The following DCDC1 variants were observed in gnomAD, a reference collection of about 807,000 sequenced individuals.
DCDC1 encodes doublecortin domain-containing protein 1.
A neutral mutation model predicts 178.3 loss-of-function variants in DCDC1; 200 were observed. The observed-to-expected ratio is 1.12, with a 90% CI of 1.00 to 1.26. The LOEUF is 1.26. Ranked by LOEUF, DCDC1 falls within the 50% of genes most tolerant of loss-of-function variation. DCDC1 has a pLI of 0.00. For synonymous variants in DCDC1, 690 were observed against 604.8 expected, an observed-to-expected ratio of 1.14 and a Z score of -2.07; for missense variants, 1,983 against 1,749.2, an observed-to-expected ratio of 1.13 and a Z score of -2.38.
intron 1 of DCDC1, among the ~76,000 whole-genome samples, chr11:31,336,287 A>G (rs977198445): frequency 6.6e-6 from 1 of 152,240 alleles, no homozygotes; most frequent in Non-Finnish European, 1.5e-5. Flanking sequence ...TTTGTCATGC[A>G]GATACCCAGG....
chr11:30,886,643 C>A (rs933077525), intron 36 of DCDC1, among the ~76,000 whole-genome samples: 1 of 152,136 alleles, frequency 6.6e-6, no homozygotes, highest in Non-Finnish European at 1.5e-5. Context: ...ACCCTTAAGA[C>A]CTCATTTAAC....
At chr11:31,223,011 T>C (rs915198712) in intron 9 of DCDC1, among the ~76,000 whole-genome samples, 10 of 152,186 alleles carry the variant, frequency 6.6e-5, no homozygotes, top group African/African-American at 2.4e-4. Flanking sequence ...CAATAAACTA[T>C]GTATATATTG....
chr11:30,941,563 C>T (rs1046837743), intron 21 of DCDC1, among the ~76,000 whole-genome samples: 1 of 152,078 alleles, frequency 6.6e-6, no homozygotes, highest in South Asian at 2.1e-4. Context: ...CTCAATGAAG[C>T]CTTACCTAGT....
chr11:30,898,275 A>T (rs1944387015), intron 34 of DCDC1, among the ~76,000 whole-genome samples: 1 of 152,200 alleles, frequency 6.6e-6, no homozygotes, highest in Non-Finnish European at 1.5e-5. Flanking sequence ...TCAACTTCAG[A>T]ATGTCACCAT....
At chr11:31,299,628 T>C (rs1004469858) in intron 6 of DCDC1, among the ~76,000 whole-genome samples, 3 of 152,210 alleles carry the variant, frequency 2.0e-5, no homozygotes, top group African/African-American at 4.8e-5. Flanking sequence ...AATTTGGTTG[T>C]ATTTATTTCA....
rs376928936 is a variant in DCDC1, at chr11:31,238,938, ATGAG to A, written c.1221+2508_1221+2511del. Among the ~76,000 whole-genome samples, 462 of 152,220 alleles carry A rather than the reference ATGAG, an allele frequency of 3.0e-3. 2 individuals carry two copies. Among genetic ancestry groups the A allele is most frequent in the South Asian group, 6.2e-3 (30 of 4,824 alleles). On this transcript the variant is annotated intron_variant, in intron 9 of 38. Transcript: ENST00000684477. Reference sequence around the variant, plus strand: ...CCAAGCTAAAGTTAAAAATTGAAAAATGAGTAAGTTTGTAAACATAAAACCAGTA... The same window carrying A: ...CCAAGCTAAAGTTAAAAATTGAAAAATAAGTTTGTAAACATAAAACCAGTA...
At chr11:31,325,714 T>C (rs887519151) in intron 3 of DCDC1, among the ~76,000 whole-genome samples, 3 of 152,142 alleles carry the variant, frequency 2.0e-5, no homozygotes, top group African/African-American at 4.8e-5. Context: ...TATATACATA[T>C]ATATGTAGGC....
chr11:31,356,245 A>G (rs1290619744), intron 1 of DCDC1, among the ~76,000 whole-genome samples: 2 of 152,256 alleles, frequency 1.3e-5, no homozygotes, highest in Non-Finnish European at 2.9e-5. Flanking sequence ...ACTGAAGAAA[A>G]TGTAGCTAAA....
In DCDC1 at chr11:31,328,202, C is replaced by G; in HGVS notation, c.79G>C (p.Val27Leu). ...CCTTCAGGGCTACTTTGCTGTAATA[C>G]TTCCATTGCTTCAGTCAAGAGGGAT... ...SLSLLTEAME[V>L]LQQSSPEGTL... Residue 27 changes from valine (V) to leucine (L), a missense_variant, in exon 3 of 39, where the codon GTA becomes CTA. Physicochemically the swap from Val to Leu is conservative, Grantham distance 32. Coordinates refer to ENST00000684477, the MANE Select transcript of DCDC1 (RefSeq NM_001387274.1). 6.2e-7 allele frequency: 1 copy of G among 1,612,312 alleles called. No individual in the cohort carries two copies. Among genetic ancestry groups the G allele is most frequent in the Non-Finnish European group, 8.5e-7 (1 of 1,178,834 alleles).
intron 15 of DCDC1, among the ~76,000 whole-genome samples, chr11:31,101,848 G>A (rs1271398747): frequency 1.3e-5 from 2 of 152,112 alleles, no homozygotes; most frequent in Non-Finnish European, 2.9e-5. Context: ...AGGCCGAGGT[G>A]GACGGATCAC....
chr11:30,963,091 A>G (rs553427515), intron 20 of DCDC1, among the ~76,000 whole-genome samples: 3 of 152,230 alleles, frequency 2.0e-5, no homozygotes, highest in East Asian at 1.9e-4. Context: ...TAAAGTTTCC[A>G]TATTTATTTA....
intron 17 of DCDC1, among the ~76,000 whole-genome samples, chr11:31,084,905 T>A (rs1296011757): frequency 6.8e-6 from 1 of 148,112 alleles, no homozygotes; most frequent in African/African-American, 2.5e-5. Flanking sequence ...CCCACTGAGG[T>A]AATGGGCTTA....
chr11:30,863,877 A>C lies in DCDC1; in HGVS notation c.*1496T>G, dbSNP rs1940805850. 6.6e-6 allele frequency: 1 copy of C among 152,336 alleles called. No homozygotes were observed. The highest frequency in any genetic ancestry group is 2.4e-5 in the African/African-American group (1 of 41,482). 9.4% of individuals were successfully genotyped at this position (152,336 alleles called of 1,614,324 possible). On this transcript the variant is annotated 3_prime_UTR_variant, in exon 39 of 39. Transcript: ENST00000684477. ...TGTGGTGGCTTACGCCTGTAATCCC[A>C]GCACTTTGGGAGGCAGAGGCGAGTG... is the stretch of plus-strand genomic sequence containing the variant.
intron 1 of DCDC1, among the ~76,000 whole-genome samples, chr11:31,365,167 T>C (rs1386613925): frequency 6.6e-6 from 1 of 152,028 alleles, no homozygotes. Context: ...ACTAACGGAG[T>C]GTGGGGTACA....
chr11:31,240,113 G>A (rs1976933972), intron 9 of DCDC1, among the ~76,000 whole-genome samples: 1 of 151,706 alleles, frequency 6.6e-6, no homozygotes, highest in African/African-American at 2.4e-5. Context: ...ATTTCAATAA[G>A]TGGAATCAAA....
intron 9 of DCDC1, among the ~76,000 whole-genome samples, chr11:31,222,195 T>C (rs1326597151): frequency 6.6e-6 from 1 of 152,098 alleles, no homozygotes; most frequent in East Asian, 1.9e-4. Context: ...CCTAAGTAGC[T>C]GGGATTACAG....
At position 31,290,960 on chromosome 11, in the gene DCDC1, C is replaced by T. The variant is rs188130177; in HGVS notation, c.755-108G>A. ...CTGTGTATTATACACTGGCCAGTCT[C>T]CATTTAGATGCTGGTTTTCTGAAAT... On this transcript the variant is annotated intron_variant, in intron 6 of 38. Transcript: ENST00000684477. 1.2e-4 allele frequency: 115 copies of T among 962,164 alleles called. No individual in the cohort carries two copies. The East Asian group carries it at 2.7e-3, about 23-fold the overall frequency. The allele number at this position is 962,164 out of a possible 1,614,324, so 59.6% of individuals were successfully genotyped here. A position where few individuals can be genotyped will look rare whatever the true frequency, so the allele number is the denominator to read the frequency against.
At chr11:30,962,874 C>T (rs776520904) in intron 20 of DCDC1, among the ~76,000 whole-genome samples, 1 of 152,012 alleles carries the variant, frequency 6.6e-6, no homozygotes, top group African/African-American at 2.4e-5. Context: ...TTCATACTTG[C>T]TGTAAAAGCA....
intron 8 of DCDC1, among the ~76,000 whole-genome samples, chr11:31,252,976 A>C (rs556162807): frequency 9.9e-5 from 15 of 151,892 alleles, no homozygotes; most frequent in African/African-American, 1.5e-4. Flanking sequence ...AATCAACAAC[A>C]CTGTCCTGAA....
Sources: gnomAD v4.1 joint callset for allele counts (sites outside exome capture counted in the v4.1 genomes callset) on GRCh38, gnomAD v4.1.1 for gene constraint, MANE v1.5 for transcripts, NCBI Gene and HGNC (gene_info 2026-07-23, HGNC 2026-07-21) for gene names.